Variants in PIGL observed in about 807,000 individuals in gnomAD.
The protein encoded by PIGL is N-acetylglucosaminyl-phosphatidylinositol de-N-acetylase.
PIGL carries 22 observed loss-of-function variants against 31.1 expected under a neutral mutation model. That is an observed-to-expected ratio of 0.71 (90% CI 0.51 to 1.01). The LOEUF is 1.01. Ranked by LOEUF, PIGL falls within the 50% of genes least tolerant of loss-of-function variation. The probability of loss-of-function intolerance (pLI) is 0.00; values close to 1 mark genes in which losing one functional copy is unlikely to be tolerated. For synonymous variants in PIGL, 131 were observed against 117.4 expected (o/e 1.12, Z -0.75); for missense variants, 302 against 315.9 (o/e 0.96, Z 0.33).
chr17:16,298,548 C>T (rs911493317), intron 2 of PIGL, among the ~76,000 whole-genome samples: 1 of 152,142 alleles, frequency 6.6e-6, no homozygotes, highest in African/African-American at 2.4e-5. Context: ...GGTGGAGACA[C>T]AGATAAGTTG....
chr17:16,301,724 AC>A, intron 3 of PIGL, among the ~76,000 whole-genome samples: 1 of 151,502 alleles, frequency 6.6e-6, no homozygotes, highest in East Asian at 1.9e-4. Context: ...GGCGCCCACC[AC>A]CACACCCAGC....
chr17:16,300,044 G>T (rs1408164898), intron 3 of PIGL, 66 bp downstream of exon 3: 2 of 1,325,816 alleles, frequency 1.5e-6, no homozygotes, highest in East Asian at 4.6e-5. Context: ...GGTGGTTTCT[G>T]TAATTTTTTC....
chr17:16,236,816 G>A (rs1484976688), intron 2 of PIGL, among the ~76,000 whole-genome samples: 1 of 152,108 alleles, frequency 6.6e-6, no homozygotes, highest in Non-Finnish European at 1.5e-5. Context: ...TGACCTGCCT[G>A]CCTCAGCCTC....
At chr17:16,320,250 GA>G (rs2093098383) in intron 6 of PIGL, among the ~76,000 whole-genome samples, 3 of 82,616 alleles carry the variant, frequency 3.6e-5, no homozygotes, top group Admixed American at 1.3e-4. Context: ...AGGAAGGAAG[GA>G]AAGGAGGGAG....
intron 2 of PIGL, among the ~76,000 whole-genome samples, chr17:16,252,066 CTT>C (rs66540057): frequency 1.0e-4 from 13 of 123,812 alleles, no homozygotes; most frequent in Non-Finnish European, 1.7e-4. Flanking sequence ...TTTTTTTTTC[CTT>C]TTTTTTTTTT....
intron 2 of PIGL, among the ~76,000 whole-genome samples, chr17:16,254,766 G>A (rs992632123): frequency 9.2e-5 from 14 of 151,936 alleles, no homozygotes; most frequent in Middle Eastern, 6.8e-3. Context: ...CACCACGTCC[G>A]GCTAATTTTT....
chr17:16,290,803 C>T (rs2092957251), intron 2 of PIGL, among the ~76,000 whole-genome samples: 1 of 152,090 alleles, frequency 6.6e-6, no homozygotes. Flanking sequence ...GCCTCAGCCT[C>T]CCAAGTAGCT....
At position 16,323,089 on chromosome 17, in the gene PIGL, G is replaced by C. The variant is rs569024600; in HGVS notation, c.661-2711G>C. On this transcript the variant is annotated intron_variant, in intron 6 of 6. Coordinates refer to ENST00000225609, the MANE Select transcript of PIGL (RefSeq NM_004278.4). ...CAAGGTTATATATTGACTGATTGAT[G>C]AAAATATTGTGGCCAAAGGCTTGGA... 1.4e-3 allele frequency among the ~76,000 whole-genome samples: 215 copies of C among 152,290 alleles called. 1 individual carries two copies. Among genetic ancestry groups the C allele is most frequent in the East Asian group, 1.4e-3 (7 of 5,184 alleles).
At chr17:16,284,291 A>G (rs1240810141) in intron 2 of PIGL, among the ~76,000 whole-genome samples, 1 of 152,066 alleles carries the variant, frequency 6.6e-6, no homozygotes, top group Non-Finnish European at 1.5e-5. Context: ...AGTTGCTTTT[A>G]TAAACAGGTT....
intron 2 of PIGL, among the ~76,000 whole-genome samples, chr17:16,276,524 A>C (rs1600812522): frequency 6.6e-6 from 1 of 152,180 alleles, no homozygotes; most frequent in African/African-American, 2.4e-5. Flanking sequence ...CCTGAGGTCA[A>C]GAGTTTGAGA....
chr17:16,319,836 A>G (rs911196388), intron 6 of PIGL, among the ~76,000 whole-genome samples: 2 of 151,626 alleles, frequency 1.3e-5, no homozygotes, highest in African/African-American at 4.8e-5. Flanking sequence ...AGCTCAGGTC[A>G]TCCTAGGGAA....
rs1157169209 is a variant in PIGL, at chr17:16,315,708, CTTTTT to C, written c.495-952_495-948del. On this transcript the variant is annotated intron_variant, in intron 4 of 6. Coordinates refer to ENST00000225609, the MANE Select transcript of PIGL (RefSeq NM_004278.4). ...CTTTTCTTTCTTTCTTTCTTTCTTT[CTTTTT>C]TTTTTTTTTTTTTTTTTTTTGAGAC... Among the ~76,000 whole-genome samples the C allele has an allele frequency of 7.8e-4, 46 of 59,006 alleles. No homozygotes were observed. The East Asian group carries it at 0.02, about 25-fold the overall frequency. 38.7% of individuals were successfully genotyped at this position (59,006 alleles called of 152,430 possible).
intron 2 of PIGL, among the ~76,000 whole-genome samples, chr17:16,264,010 A>ATT (rs58866950): frequency 9.3e-5 from 4 of 42,810 alleles, no homozygotes; most frequent in African/African-American, 1.9e-4. Context: ...CTCCTGGCTG[A>ATT]TTTTTTTTTT....
At chr17:16,311,409 C>T (rs1361290998) in intron 3 of PIGL, among the ~76,000 whole-genome samples, 1 of 139,436 alleles carries the variant, frequency 7.2e-6, no homozygotes, top group Non-Finnish European at 1.5e-5. Flanking sequence ...TGTTATATAA[C>T]TTGCAAAAAG....
chr17:16,240,372 G>C (rs1173646998), intron 2 of PIGL, among the ~76,000 whole-genome samples: 2 of 152,062 alleles, frequency 1.3e-5, no homozygotes, highest in Non-Finnish European at 2.9e-5. Context: ...AATGTGAGAA[G>C]GAACTAATGA....
At chr17:16,283,336 T>C (rs1432894247) in intron 2 of PIGL, among the ~76,000 whole-genome samples, 1 of 152,262 alleles carries the variant, frequency 6.6e-6, no homozygotes, top group East Asian at 1.9e-4. Context: ...GCCGTGGTTG[T>C]GCATGCCTGT....
chr17:16,221,062 A>G (rs1752243242), intron 1 of PIGL, among the ~76,000 whole-genome samples: 1 of 152,218 alleles, frequency 6.6e-6, no homozygotes, highest in Non-Finnish European at 1.5e-5. Context: ...AACATGAATA[A>G]CATACAAGAA....
At chr17:16,240,274 C>G (rs1263535133) in intron 2 of PIGL, among the ~76,000 whole-genome samples, 5 of 152,080 alleles carry the variant, frequency 3.3e-5, no homozygotes. Flanking sequence ...GTGGAAACTG[C>G]TATGCTTCCT....
intron 1 of PIGL, among the ~76,000 whole-genome samples, chr17:16,229,986 C>T (rs550213785): frequency 2.0e-5 from 3 of 151,468 alleles, no homozygotes; most frequent in East Asian, 1.9e-4. Flanking sequence ...CTTAACCTCC[C>T]GAGTAGCTGG....
Sources: gnomAD v4.1 joint callset for allele counts (sites outside exome capture counted in the v4.1 genomes callset) on GRCh38, gnomAD v4.1.1 for gene constraint, MANE v1.5 for transcripts, NCBI Gene and HGNC (gene_info 2026-07-23, HGNC 2026-07-21) for gene names.